The following CARMIL1 variants were observed in gnomAD, a reference collection of about 807,000 sequenced individuals.
The protein encoded by CARMIL1 is capping protein regulator and myosin 1 linker 1, also known as F-actin-uncapping protein LRRC16A.
In CARMIL1, 90 loss-of-function variants were observed where a neutral mutation model predicts 177.1. The ratio of observed to expected loss-of-function variants is 0.51; its 90% CI spans 0.43 to 0.61. CARMIL1 has a LOEUF of 0.61. Among genes scored for constraint, CARMIL1 ranks in the 20% least tolerant of loss-of-function variants. The probability of loss-of-function intolerance (pLI) is 0.00; values close to 1 mark genes in which losing one functional copy is unlikely to be tolerated. For missense variants in CARMIL1, 1,380 were observed against 1,667.0 expected, an observed-to-expected ratio of 0.83 and a Z score of 3.00; for synonymous variants, 577 against 606.2, an observed-to-expected ratio of 0.95 and a Z score of 0.71.
At chr6:25,537,117 C>T (rs1808378482) in intron 24 of CARMIL1, among the ~76,000 whole-genome samples, 4 of 152,088 alleles carry the variant, frequency 2.6e-5, no homozygotes. Flanking sequence ...TAGAGATCCA[C>T]CATCTCCCAT....
intron 20 of CARMIL1, among the ~76,000 whole-genome samples, chr6:25,514,627 C>T (rs1469497585): frequency 6.8e-6 from 1 of 147,130 alleles, no homozygotes; most frequent in East Asian, 2.0e-4. Flanking sequence ...TGAAACTTAA[C>T]AGATAAAGTT....
At chr6:25,553,697 A>G (rs2151172501) in intron 27 of CARMIL1, among the ~76,000 whole-genome samples, 1 of 152,270 alleles carries the variant, frequency 6.6e-6, no homozygotes, top group South Asian at 2.1e-4. Context: ...ATTGTTCCTC[A>G]CCACATGGTA....
intron 8 of CARMIL1, among the ~76,000 whole-genome samples, chr6:25,456,840 G>T (rs947319746): frequency 6.6e-6 from 1 of 152,102 alleles, no homozygotes; most frequent in African/African-American, 2.4e-5. Context: ...ACAGATTCAT[G>T]CTTTTTTGTG....
intron 2 of CARMIL1, among the ~76,000 whole-genome samples, chr6:25,302,336 A>G (rs1197938630): frequency 2.6e-5 from 4 of 152,218 alleles, no homozygotes; most frequent in Non-Finnish European, 4.4e-5. Context: ...TGGTTGGCTG[A>G]GTTCCATTAG....
intron 2 of CARMIL1, among the ~76,000 whole-genome samples, chr6:25,414,722 G>A (rs1795219730): frequency 1.3e-5 from 2 of 152,090 alleles, no homozygotes; most frequent in Admixed American, 6.5e-5. Flanking sequence ...CCCACAAGTG[G>A]GTACAGTTTT....
At chr6:25,383,249 GGT>G (rs777500994) in intron 2 of CARMIL1, among the ~76,000 whole-genome samples, 1 of 152,238 alleles carries the variant, frequency 6.6e-6, no homozygotes, top group South Asian at 2.1e-4. Flanking sequence ...AGGCTCGGAT[GGT>G]GGTTTTTGAG....
intron 29 of CARMIL1, among the ~76,000 whole-genome samples, chr6:25,574,066 TC>T (rs2151228826): frequency 6.6e-6 from 1 of 152,294 alleles, no homozygotes; most frequent in Non-Finnish European, 1.5e-5. Context: ...TTGTAGTTGA[TC>T]ACTTTCCATC....
chr6:25,482,928 T>C (rs1187055090), intron 12 of CARMIL1, among the ~76,000 whole-genome samples: 1 of 152,238 alleles, frequency 6.6e-6, no homozygotes, highest in Non-Finnish European at 1.5e-5. Context: ...TTTGTGCCTT[T>C]GTGTATCTTC....
chr6:25,354,834 C>G (rs900166062), intron 2 of CARMIL1, among the ~76,000 whole-genome samples: 4 of 152,112 alleles, frequency 2.6e-5, no homozygotes, highest in Non-Finnish European at 2.9e-5. Flanking sequence ...TGTTGCAGAT[C>G]TATATCCATT....
chr6:25,475,112 A>G (rs574800568), intron 11 of CARMIL1, among the ~76,000 whole-genome samples: 17 of 152,376 alleles, frequency 1.1e-4, no homozygotes, highest in African/African-American at 4.1e-4. Context: ...AGTTTCTTAA[A>G]AAGTTAAACT....
In CARMIL1 at chr6:25,561,633, T is replaced by A. The variant is rs547388638; in HGVS notation, c.2742+4783T>A. On this transcript the variant is annotated intron_variant, in intron 29 of 36. Transcript: ENST00000329474. ...AGACTAAAATTCAGCAAAAGTCTAT[T>A]TGACTTGGTCAAAATACTATTTTTG... Among the ~76,000 whole-genome samples, 3 of 152,346 alleles carry A rather than the reference T, an allele frequency of 2.0e-5. No homozygotes were observed. In the South Asian group the frequency reaches 6.2e-4, roughly 32 times the overall value.
Position 25,619,830 on chromosome 6 carries a change from T to C in CARMIL1, c.*247T>C, listed in dbSNP as rs1486535672. The C allele has an allele frequency of 3.8e-6, 1 of 265,808 alleles. No homozygotes were observed. Among genetic ancestry groups the C allele is most frequent in the East Asian group, 6.9e-5 (1 of 14,526 alleles). 16.5% of individuals were successfully genotyped at this position (265,808 alleles called of 1,614,324 possible). On this transcript the variant is annotated 3_prime_UTR_variant, in exon 37 of 37. Coordinates refer to ENST00000329474, the MANE Select transcript of CARMIL1 (RefSeq NM_017640.6). ...TTGGTCTTCCTCCAACCCTTTGCAT[T>C]TGATTTCTAAACATTCCTTCATATG...
chr6:25,523,336 AT>A (rs1372368430), intron 23 of CARMIL1, among the ~76,000 whole-genome samples: 4 of 152,180 alleles, frequency 2.6e-5, no homozygotes, highest in Non-Finnish European at 4.4e-5. Flanking sequence ...ACAATATGTA[AT>A]TCTTACTGGG....
At chr6:25,330,552 G>A (rs1270053970) in intron 2 of CARMIL1, among the ~76,000 whole-genome samples, 1 of 152,128 alleles carries the variant, frequency 6.6e-6, no homozygotes, top group Non-Finnish European at 1.5e-5. Context: ...TTAGAAGACA[G>A]TGAGGGGCTG....
chr6:25,348,226 G>T (rs1285574676), intron 2 of CARMIL1, among the ~76,000 whole-genome samples: 1 of 151,858 alleles, frequency 6.6e-6, no homozygotes, highest in Non-Finnish European at 1.5e-5. Context: ...TCCGCCTCCC[G>T]GGTTCAATCG....
At chr6:25,425,244 G>A (rs532704884) in intron 3 of CARMIL1, among the ~76,000 whole-genome samples, 56 of 152,242 alleles carry the variant, frequency 3.7e-4, no homozygotes, top group South Asian at 6.2e-4. Context: ...TTGACCAAGT[G>A]AATAATGAAT....
chr6:25,598,110 A>G (rs1043945018), intron 32 of CARMIL1, among the ~76,000 whole-genome samples: 1 of 152,008 alleles, frequency 6.6e-6, no homozygotes, highest in Non-Finnish European at 1.5e-5. Context: ...AATTTTTTTA[A>G]AAAACCAATT....
At chr6:25,368,865 G>T (rs1480764864) in intron 2 of CARMIL1, among the ~76,000 whole-genome samples, 1 of 152,084 alleles carries the variant, frequency 6.6e-6, no homozygotes, top group East Asian at 1.9e-4. Flanking sequence ...TCTTTAATTG[G>T]TCAAAATGTG....
intron 31 of CARMIL1, among the ~76,000 whole-genome samples, chr6:25,585,355 A>G (rs1428342370): frequency 6.6e-6 from 1 of 152,190 alleles, no homozygotes; most frequent in Non-Finnish European, 1.5e-5. Flanking sequence ...GCTTTTCTAG[A>G]GTTTGTCTCT....
Sources: allele counts gnomAD v4.1 joint callset (sites outside exome capture counted in the v4.1 genomes callset), GRCh38; gene constraint gnomAD v4.1.1; transcripts MANE v1.5; gene names NCBI Gene and HGNC (gene_info 2026-07-23, HGNC 2026-07-21).